CPQ: variants seen among roughly 807,000 people sequenced by gnomAD.
The protein encoded by CPQ is carboxypeptidase Q, also known as Ser-Met dipeptidase.
Under a neutral mutation model 45.7 loss-of-function variants are expected in CPQ, and 37 were observed. That is an observed-to-expected ratio of 0.81 (90% CI 0.62 to 1.07). The LOEUF is 1.07. CPQ is among the 50% of genes least tolerant of loss of function. CPQ has a pLI of 0.00. For missense variants in CPQ, 537 were observed against 572.9 expected (o/e 0.94, Z 0.64); for synonymous variants, 186 against 205.8 (o/e 0.90, Z 0.82).
At chr8:97,039,429 C>T (rs1469429158) in intron 6 of CPQ, among the ~76,000 whole-genome samples, 3 of 149,970 alleles carry the variant, frequency 2.0e-5, no homozygotes, top group East Asian at 1.9e-4. Flanking sequence ...TTAATATTTC[C>T]TTTCCTTTTT....
At chr8:96,778,551 T>C (rs1033221750) in intron 1 of CPQ, among the ~76,000 whole-genome samples, 1 of 152,204 alleles carries the variant, frequency 6.6e-6, no homozygotes, top group African/African-American at 2.4e-5. Flanking sequence ...TCTTCTAAAG[T>C]GCTACCGATA....
intron 3 of CPQ, among the ~76,000 whole-genome samples, chr8:96,853,254 G>A (rs1275021083): frequency 6.6e-6 from 1 of 152,160 alleles, no homozygotes; most frequent in Non-Finnish European, 1.5e-5. Flanking sequence ...ATTTTTGGGG[G>A]CGCATATGAA....
intron 4 of CPQ, among the ~76,000 whole-genome samples, chr8:96,896,067 TATGAGGGCACTGGAATCAAAGCAA>T (rs1341237224): frequency 3.3e-5 from 5 of 152,136 alleles, no homozygotes; most frequent in African/African-American, 7.2e-5. Flanking sequence ...CTTGACTGGT[TATGAGGGCACTGGAATCAAAGCAA>T]ATGAGGGCAC....
chr8:97,116,008 G>T (rs1811586398), intron 7 of CPQ, among the ~76,000 whole-genome samples: 1 of 152,132 alleles, frequency 6.6e-6, no homozygotes, highest in Non-Finnish European at 1.5e-5. Context: ...AAAGCAAAAT[G>T]GGTGAGGCTG....
chr8:97,113,430 G>A (rs1188087976), intron 7 of CPQ, among the ~76,000 whole-genome samples: 1 of 152,146 alleles, frequency 6.6e-6, no homozygotes, highest in Non-Finnish European at 1.5e-5. Flanking sequence ...TTGGTGAGAA[G>A]CAATTACAGG....
At chr8:96,827,286 A>C (rs1420260979) in intron 2 of CPQ, among the ~76,000 whole-genome samples, 1 of 150,014 alleles carries the variant, frequency 6.7e-6, no homozygotes, top group Non-Finnish European at 1.5e-5. Flanking sequence ...TTCTCCAAAA[A>C]CTCCCTTCCT....
At chr8:96,749,209 T>G (rs1214142817) in intron 1 of CPQ, among the ~76,000 whole-genome samples, 3 of 152,204 alleles carry the variant, frequency 2.0e-5, no homozygotes, top group Non-Finnish European at 4.4e-5. Context: ...CTTATCCGTC[T>G]TACCTTTATT....
chr8:97,131,471 A>G (rs754488035), intron 7 of CPQ, among the ~76,000 whole-genome samples: 13 of 152,216 alleles, frequency 8.5e-5, no homozygotes, highest in Admixed American at 2.0e-4. Flanking sequence ...ATTTTTTAGT[A>G]GTAAGACTTT....
At chr8:96,956,556 G>A (rs765956236) in intron 4 of CPQ, among the ~76,000 whole-genome samples, 2 of 151,958 alleles carry the variant, frequency 1.3e-5, no homozygotes, top group Non-Finnish European at 2.9e-5. Flanking sequence ...GAAAAGAAGA[G>A]TTTTTCATTT....
At chr8:96,772,880 A>G (rs530785919) in intron 1 of CPQ, among the ~76,000 whole-genome samples, 2 of 152,328 alleles carry the variant, frequency 1.3e-5, no homozygotes, top group African/African-American at 4.8e-5. Flanking sequence ...AAGGCAATTT[A>G]GTTAAGTGCT....
intron 7 of CPQ, among the ~76,000 whole-genome samples, chr8:97,109,975 CTTATTT>C (rs965957632): frequency 6.6e-6 from 1 of 152,118 alleles, no homozygotes; most frequent in African/African-American, 2.4e-5. Context: ...CTACCCAACT[CTTATTT>C]TTTTCTATTT....
At chr8:96,724,908 G>C (rs893542361) in intron 1 of CPQ, among the ~76,000 whole-genome samples, 1 of 152,108 alleles carries the variant, frequency 6.6e-6, no homozygotes, top group African/African-American at 2.4e-5. Flanking sequence ...AAACAGAATA[G>C]AGATCCCAGA....
At chr8:96,790,722 T>C (rs1362452999) in intron 2 of CPQ, among the ~76,000 whole-genome samples, 1 of 152,162 alleles carries the variant, frequency 6.6e-6, no homozygotes. Flanking sequence ...TGCCACAGAC[T>C]CTTACTGTTC....
At chr8:96,838,831 T>C (rs1374946112) in intron 3 of CPQ, among the ~76,000 whole-genome samples, 2 of 152,268 alleles carry the variant, frequency 1.3e-5, no homozygotes, top group East Asian at 1.9e-4. Flanking sequence ...GTCCGAACTA[T>C]GTAACCCATG....
intron 1 of CPQ, among the ~76,000 whole-genome samples, chr8:96,728,429 C>A (rs1294674901): frequency 6.6e-6 from 1 of 152,024 alleles, no homozygotes; most frequent in Non-Finnish European, 1.5e-5. Context: ...TGTCCCTACT[C>A]TTGTCCTAAT....
At chr8:96,967,086 TCTC>T (rs773352883) in intron 5 of CPQ, among the ~76,000 whole-genome samples, 17 of 152,230 alleles carry the variant, frequency 1.1e-4, no homozygotes, top group Non-Finnish European at 2.2e-4. Context: ...ATGTTAATTC[TCTC>T]CTCCTCTTCT....
intron 6 of CPQ, among the ~76,000 whole-genome samples, chr8:97,056,223 T>C (rs1271390873): frequency 6.6e-6 from 1 of 152,090 alleles, no homozygotes; most frequent in African/African-American, 2.4e-5. Context: ...GTGGAGGTAC[T>C]GAGTAGCTGT....
chr8:96,885,166 A>T (rs566508774), intron 4 of CPQ, among the ~76,000 whole-genome samples: 1 of 152,242 alleles, frequency 6.6e-6, no homozygotes, highest in Non-Finnish European at 1.5e-5. Context: ...AAGGAACTTC[A>T]TGCTGCATCA....
chr8:97,130,420 GTTTTTTTT>G (rs67911510), intron 7 of CPQ, among the ~76,000 whole-genome samples: 1 of 125,346 alleles, frequency 8.0e-6, no homozygotes, highest in Non-Finnish European at 1.7e-5. Flanking sequence ...ATCGTCAGCT[GTTTTTTTT>G]TTTTTTTTTT....
Sources: gnomAD v4.1 joint callset for allele counts (sites outside exome capture counted in the v4.1 genomes callset) on GRCh38, gnomAD v4.1.1 for gene constraint, MANE v1.5 for transcripts, NCBI Gene and HGNC (gene_info 2026-07-23, HGNC 2026-07-21) for gene names.